Variants in GARNL3 observed in about 807,000 individuals in gnomAD.
The protein encoded by GARNL3 is GTPase activating Rap/RanGAP domain like 3.
GARNL3 carries 63 observed loss-of-function variants against 125.0 expected under a neutral mutation model. The observed-to-expected ratio is 0.50, with a 90% CI of 0.41 to 0.62. GARNL3 has a LOEUF of 0.62. Ranked by LOEUF, GARNL3 falls within the 20% of genes least tolerant of loss-of-function variation. The probability of loss-of-function intolerance (pLI) is 0.00; values close to 1 mark genes in which losing one functional copy is unlikely to be tolerated. For missense variants in GARNL3, 994 were observed against 1,244.0 expected (o/e 0.80, Z 3.02); for synonymous variants, 439 against 457.5 (o/e 0.96, Z 0.52).
intron 22 of GARNL3, among the ~76,000 whole-genome samples, chr9:127,382,944 G>T (rs576071486): frequency 5.8e-4 from 88 of 152,326 alleles, no homozygotes; most frequent in African/African-American, 2.0e-3. Context: ...CCACCCAAGG[G>T]CTGCCGTCAG....
In GARNL3 at chr9:127,325,077, G is replaced by A. The variant is rs149212504; in HGVS notation, c.576G>A (p.Leu192=). The A allele has an allele frequency of 1.9e-6, 3 of 1,613,354 alleles. No individual in the cohort carries two copies. Among genetic ancestry groups the A allele is most frequent in the African/African-American group, 2.7e-5 (2 of 74,908 alleles). The change falls in exon 7 of 28, where the codon CTG becomes CTA. Residue 192 remains leucine (L), a synonymous_variant. Transcript: ENST00000373387. Reference sequence around the variant, plus strand: ...AAAACTTTATTTGACAGGACTTGCTGGTTCTTGAAGAACAAGAGGTGAGTA... The same window carrying A: ...AAAACTTTATTTGACAGGACTTGCTAGTTCTTGAAGAACAAGAGGTGAGTA... The part of the protein sequence containing the change: ...IFHPEIQKDL[L]VLEEQEGSVN...
rs553352282 is a variant in GARNL3 at position 127,360,240 on chromosome 9, C to A, written c.2094+2863C>A. 3.3e-5 allele frequency among the ~76,000 whole-genome samples: 5 copies of A among 152,262 alleles called. No homozygotes were observed. In the South Asian group the frequency reaches 1.0e-3, roughly 32 times the overall value. ...GTTTCACCATGTTGGCCAGGATGGT[C>A]TCAATCTCCTGACCTCGTGATCCCG... On this transcript the variant is annotated intron_variant, in intron 21 of 27. Transcript: ENST00000373387.
At chr9:127,297,019 CA>C (rs1347378571) in intron 2 of GARNL3, among the ~76,000 whole-genome samples, 3 of 152,186 alleles carry the variant, frequency 2.0e-5, no homozygotes, top group Non-Finnish European at 4.4e-5. Context: ...TAACAAAGAC[CA>C]AATACGTATT....
At chr9:127,295,071 C>G (rs1367153537) in intron 2 of GARNL3, among the ~76,000 whole-genome samples, 1 of 152,192 alleles carries the variant, frequency 6.6e-6, no homozygotes, top group East Asian at 1.9e-4. Context: ...CGGTCAGTTG[C>G]AGGAAATTAA....
intron 1 of GARNL3, among the ~76,000 whole-genome samples, chr9:127,233,404 AAAGG>A (rs2063054810): frequency 6.6e-6 from 1 of 152,180 alleles, no homozygotes; most frequent in African/African-American, 2.4e-5. Context: ...GTGATTTCTC[AAAGG>A]AAAACCACAG....
At chr9:127,284,168 G>A (rs1330365534) in intron 1 of GARNL3, among the ~76,000 whole-genome samples, 4 of 152,140 alleles carry the variant, frequency 2.6e-5, no homozygotes, top group Non-Finnish European at 5.9e-5. Flanking sequence ...TTGTGGGGCA[G>A]TGTTGTGACA....
chr9:127,269,786 GTT>G (rs57287183), intron 1 of GARNL3, among the ~76,000 whole-genome samples: 6 of 129,806 alleles, frequency 4.6e-5, no homozygotes, highest in Admixed American at 7.5e-5. Context: ...TGTTTTTTGT[GTT>G]TTTTTTTTTT....
chr9:127,277,837 T>C (rs1458823088), intron 1 of GARNL3, among the ~76,000 whole-genome samples: 1 of 152,234 alleles, frequency 6.6e-6, no homozygotes, highest in African/African-American at 2.4e-5. Flanking sequence ...TCTTTCACTA[T>C]CTAGAACCCC....
intron 2 of GARNL3, among the ~76,000 whole-genome samples, chr9:127,256,217 G>A (rs546731512): frequency 6.6e-6 from 1 of 152,198 alleles, no homozygotes; most frequent in Non-Finnish European, 1.5e-5. Flanking sequence ...GAAAAGAGAA[G>A]CCAAGGTTGC....
At chr9:127,294,094 C>CT (rs1462695690) in intron 2 of GARNL3, among the ~76,000 whole-genome samples, 1 of 152,124 alleles carries the variant, frequency 6.6e-6, no homozygotes, top group Non-Finnish European at 1.5e-5. Flanking sequence ...GGCAGGGCTC[C>CT]TATTGGACTT....
chr9:127,319,306 A>C lies in GARNL3; in HGVS notation c.503+1179A>C, dbSNP rs536829845. On this transcript the variant is annotated intron_variant, in intron 5 of 27. Coordinates refer to ENST00000373387, the MANE Select transcript of GARNL3 (RefSeq NM_032293.5). ...GAGACCAGCCTGGCCAATATAGTGA[A>C]ACCCCGTCTCTACTAAAATACAAAA... 3.3e-5 allele frequency among the ~76,000 whole-genome samples: 5 copies of C among 152,132 alleles called. No individual in the cohort carries two copies. The East Asian group carries it at 9.7e-4, about 29-fold the overall frequency.
intron 5 of GARNL3, 127 bp from the exon 6 acceptor site, chr9:127,320,588 T>G (rs981851006): frequency 1.6e-6 from 1 of 639,846 alleles, no homozygotes; most frequent in Non-Finnish European, 2.8e-6. Flanking sequence ...TGTTTGTTCA[T>G]TGATAACTCA....
chr9:127,377,844 C>G (rs1832009946), intron 22 of GARNL3, among the ~76,000 whole-genome samples: 2 of 148,460 alleles, frequency 1.3e-5, no homozygotes, highest in Admixed American at 1.3e-4. Context: ...TTTGAAAGAT[C>G]TGATTACACA....
intron 22 of GARNL3, among the ~76,000 whole-genome samples, chr9:127,370,338 A>T (rs1174972074): frequency 6.6e-6 from 1 of 152,208 alleles, no homozygotes; most frequent in Non-Finnish European, 1.5e-5. Context: ...TCAGGAGTTT[A>T]AAAAAAGAAC....
intron 22 of GARNL3, among the ~76,000 whole-genome samples, chr9:127,381,742 G>A (rs374615956): frequency 8.1e-5 from 12 of 148,914 alleles, no homozygotes; most frequent in African/African-American, 1.7e-4. Context: ...GACTACAGGC[G>A]CCCGCCACCA....
intron 26 of GARNL3, among the ~76,000 whole-genome samples, chr9:127,389,765 A>T (rs561507649): frequency 4.6e-5 from 7 of 152,046 alleles, no homozygotes; most frequent in African/African-American, 1.7e-4. Context: ...TATAAAAAAT[A>T]AAAAAATTAG....
At chr9:127,375,625 C>T (rs10733687) in intron 22 of GARNL3, among the ~76,000 whole-genome samples, 111,708 of 152,084 alleles carry the variant, frequency 0.73, 41,886 homozygotes, top group East Asian at 0.88. Context: ...CCACAAGTTC[C>T]TTGATACTTC....
Position 127,290,581 on chromosome 9 carries a change from AG to A in GARNL3, c.145-586del, listed in dbSNP as rs571555606. On this transcript the variant is annotated intron_variant, in intron 1 of 27. Coordinates refer to ENST00000373387, the MANE Select transcript of GARNL3 (RefSeq NM_032293.5). ...TCAGTAATTTTGGACTCAAGTGCCA[AG>A]CCCTGGTGTGTTCACTCACCTCTTT... Among the ~76,000 whole-genome samples, 34 of 152,360 alleles carry A rather than the reference AG, an allele frequency of 2.2e-4. 1 individual carries two copies. In the South Asian group the frequency reaches 6.8e-3, roughly 31 times the overall value.
At chr9:127,380,343 AT>A (rs1482280577) in intron 22 of GARNL3, among the ~76,000 whole-genome samples, 37 of 152,256 alleles carry the variant, frequency 2.4e-4, no homozygotes, top group Admixed American at 6.5e-5. Context: ...ACAGAAAAAA[AT>A]AACAAAGCTC....
Sources: allele counts gnomAD v4.1 joint callset (sites outside exome capture counted in the v4.1 genomes callset), GRCh38; gene constraint gnomAD v4.1.1; transcripts MANE v1.5; gene names NCBI Gene and HGNC (gene_info 2026-07-23, HGNC 2026-07-21).